Variants in PLD4 observed in about 807,000 individuals in gnomAD.
PLD4 encodes the protein phospholipase D family member 4, also known as 5'-3' exonuclease PLD4.
In PLD4, 54 loss-of-function variants were observed where a neutral mutation model predicts 52.3. The ratio of observed to expected loss-of-function variants is 1.03; its 90% confidence interval spans 0.83 to 1.30. The LOEUF (loss-of-function observed/expected upper bound fraction) is 1.30. Among genes scored for constraint, PLD4 ranks in the 50% most tolerant of loss-of-function variants. PLD4 has a pLI of 0.00. For missense variants in PLD4, 731 were observed against 671.1 expected, an observed-to-expected ratio of 1.09 and a Z score of -0.99; for synonymous variants, 264 against 286.5, an observed-to-expected ratio of 0.92 and a Z score of 0.79.
rs1309624332 is a variant in PLD4, at chr14:104,933,217, T to TA, written c.*261dup. 1.6e-4 allele frequency: 66 copies of TA among 425,190 alleles called. No individual in the cohort carries two copies. The highest frequency in any genetic ancestry group is 2.7e-4 in the South Asian group (5 of 18,308). The allele number at this position is 425,190 out of a possible 1,614,324, so 26.3% of individuals were successfully genotyped here. On this transcript the variant is annotated 3_prime_UTR_variant, in exon 11 of 11. Transcript: ENST00000392593. ...TGACTCCTGGCCCACAGGCCAGGCC[T>TA]AAAAAAAACTCGTGGCTTCCCGGTG...
rs1354267805 is a variant in PLD4, at chr14:104,925,586, C to T, written c.-1+596C>T. On this transcript the variant is annotated intron_variant, in intron 1 of 10. Coordinates refer to ENST00000392593, the MANE Select transcript of PLD4 (RefSeq NM_138790.5). ...GTGGGGAGCAGCTGTCCAAGAACAG[C>T]CCTGGCACCTCGTTGCCCAGCCACA... Among the ~76,000 whole-genome samples the T allele has an allele frequency of 1.3e-5, 2 of 152,170 alleles. 1 individual carries two copies. Among genetic ancestry groups the T allele is most frequent in the African/African-American group, 4.8e-5 (2 of 41,436 alleles).
chr14:104,932,117 C>T lies in PLD4; in HGVS notation c.1164C>T (p.Phe388=), dbSNP rs769308299. 2.5e-6 allele frequency: 4 copies of T among 1,611,250 alleles called. No homozygotes were observed. Among genetic ancestry groups the T allele is most frequent in the East Asian group, 2.2e-5 (1 of 44,862 alleles). Residue 388 remains phenylalanine (F), a synonymous_variant, in exon 9 of 11, where the codon TTC becomes TTT. Transcript: ENST00000392593. The surrounding 1 kb of genome is among the most constrained non-coding windows in gnomAD (Gnocchi z 6.5). ...GCGLNTDPTM[F]PYLRSLQALS... ...GACTCAACACGGACCCCACCATGTT[C>T]CCCTACCTGCGGTCCCTGCAGGCGC...
rs767324628 is a variant in PLD4, at chr14:104,927,117, G to A, written c.1-24G>A. On this transcript the variant is annotated intron_variant, in intron 1 of 10. Coordinates refer to ENST00000392593, the MANE Select transcript of PLD4 (RefSeq NM_138790.5). ...GTTCTGGGCAGAGCTGGAGCTGCTGGTGATGCCAGGCTGCCCTGTGCAGAT... is the reference window on the plus strand; with the variant it reads ...GTTCTGGGCAGAGCTGGAGCTGCTGATGATGCCAGGCTGCCCTGTGCAGAT... The A allele has an allele frequency of 6.5e-6, 10 of 1,527,902 alleles. No individual in the cohort carries two copies. In the African/African-American group the frequency reaches 9.6e-5, roughly 15 times the overall value. 94.6% of individuals were successfully genotyped at this position (1,527,902 alleles called of 1,614,324 possible).
At chr14:104,928,953 A>G (rs1199370467) in intron 4 of PLD4, 21 bp downstream of exon 4, 3 of 1,573,012 alleles carry the variant, frequency 1.9e-6, no homozygotes, top group Non-Finnish European at 1.7e-6. Flanking sequence ...CCCTGGCCCC[A>G]CCGCATCCTG....
In PLD4 at chr14:104,930,900, C is replaced by T. The variant is rs745725821; in HGVS notation, c.876C>T (p.Phe292=). The change falls in exon 7 of 11, where the codon TTC becomes TTT. Residue 292 remains phenylalanine (F), a synonymous_variant. Coordinates refer to ENST00000392593, the MANE Select transcript of PLD4 (RefSeq NM_138790.5). ...FSSHFNRFQP[F]HGLFDGVPTT... ...CTCACTTCAACCGTTTCCAGCCCTT[C>T]CACGGCCTCTTTGATGGGGTGCCCA... 1 of 1,613,528 alleles carries T rather than the reference C, an allele frequency of 6.2e-7. No individual in the cohort carries two copies. The highest frequency in any genetic ancestry group is 1.1e-5 in the South Asian group (1 of 91,088).
chr14:104,929,466 G>A (rs564252854), intron 5 of PLD4, 39 bp downstream of exon 5: 31 of 1,511,632 alleles, frequency 2.1e-5, no homozygotes, highest in Middle Eastern at 2.2e-4. Context: ...CTGCCCTAGC[G>A]TCGGGCATGG....
chr14:104,926,785 T>C (rs1304215945), intron 1 of PLD4, among the ~76,000 whole-genome samples: 28 of 152,196 alleles, frequency 1.8e-4, no homozygotes, highest in Admixed American at 1.8e-3. Context: ...TGGGAGACCC[T>C]GAAAGGGGAG....
chr14:104,930,716 A>C (rs762627734), intron 6 of PLD4, 26 bp from the exon 7 acceptor site: 17 of 1,612,342 alleles, frequency 1.1e-5, no homozygotes, highest in Admixed American at 1.7e-5. Flanking sequence ...TTTTTCTCCC[A>C]CAGCGCCTGA....
chr14:104,926,055 A>ACTT (rs1897444305), intron 1 of PLD4, among the ~76,000 whole-genome samples: 1 of 152,112 alleles, frequency 6.6e-6, no homozygotes, highest in African/African-American at 2.4e-5. Context: ...GACAGCCCAG[A>ACTT]CGAACCCCAG....
In PLD4 at chr14:104,930,941, C is replaced by T. The variant is rs752254476; in HGVS notation, c.917C>T (p.Ser306Leu). 1.2e-6 allele frequency: 2 copies of T among 1,612,846 alleles called. No individual in the cohort carries two copies. The highest frequency in any genetic ancestry group is 1.1e-5 in the South Asian group (1 of 91,078). Residue 306 changes from serine (S) to leucine (L), a missense_variant and splice_region_variant, in exon 7 of 11, where the codon TCA becomes TTA. Transcript: ENST00000392593. ...GGGGTGCCCACCACTGCCTACTTCTCAGTAAGACGGGTTGAGAAGGAGCCC... is the reference window on the plus strand; with the variant it reads ...GGGGTGCCCACCACTGCCTACTTCTTAGTAAGACGGGTTGAGAAGGAGCCC... ...FDGVPTTAYF[S>L]ASPPALCPQG...
chr14:104,928,757 T>G lies in PLD4; in HGVS notation c.293T>G (p.Leu98Arg). 2 of 1,588,256 alleles carry G rather than the reference T, an allele frequency of 1.3e-6. No homozygotes were observed. The highest frequency in any genetic ancestry group is 1.7e-6 in the Non-Finnish European group (2 of 1,163,568). ...TGTGGCTCTCCCCACAGGCTTGTCC[T>G]TGTGGAAAGCATCCCCCAGGACCTG... ...RQQRDSCQLV[L>R]VESIPQDLPS... The change falls in exon 4 of 11, where the codon CTT (leucine) becomes CGT (arginine). Residue 98 changes from leucine (L) to arginine (R), a missense_variant. Leu to Arg is a moderately radical substitution (Grantham distance 102). Coordinates refer to ENST00000392593, the MANE Select transcript of PLD4 (RefSeq NM_138790.5).
At chr14:104,928,639 G>A in intron 3 of PLD4, 110 bp from the exon 4 acceptor site, 1 of 1,186,254 alleles carries the variant, frequency 8.4e-7, no homozygotes, top group Non-Finnish European at 1.2e-6. Context: ...TCATCCCGGG[G>A]GCCACCTGAG....
chr14:104,925,437 G>C (rs1222464143), intron 1 of PLD4, among the ~76,000 whole-genome samples: 2 of 152,178 alleles, frequency 1.3e-5, no homozygotes, highest in Non-Finnish European at 2.9e-5. Context: ...GTCCTGGGAG[G>C]GGACTTGGAC....
chr14:104,928,970 G>A (rs781453334), intron 4 of PLD4, 38 bp downstream of exon 4: 11 of 1,561,666 alleles, frequency 7.0e-6, no homozygotes, highest in Non-Finnish European at 8.7e-6. Flanking sequence ...CCTGGTGCTG[G>A]AAACACAGCA....
Position 104,931,197 on chromosome 14 carries a change from C to A in PLD4, c.918+255C>A, listed in dbSNP as rs199712457. Among the ~76,000 whole-genome samples, 14 of 152,198 alleles carry A rather than the reference C, an allele frequency of 9.2e-5. No homozygotes were observed. In the East Asian group the frequency reaches 2.3e-3, roughly 25 times the overall value. On this transcript the variant is annotated intron_variant, in intron 7 of 10. Transcript: ENST00000392593. ...GTCAGCACCATCCCTGGGAAACAGG[C>A]CGCCTGGGAGGTGGTGGGAGGACCT...
intron 2 of PLD4, 148 bp downstream of exon 2, chr14:104,927,378 T>C: frequency 1.3e-6 from 1 of 759,268 alleles, no homozygotes; most frequent in East Asian, 2.8e-5. Flanking sequence ...CTCCCTGGGC[T>C]GCTCCAGACC....
At chr14:104,930,965 C>G in intron 7 of PLD4, 23 bp downstream of exon 7, 1 of 1,607,520 alleles carries the variant, frequency 6.2e-7, no homozygotes, top group Non-Finnish European at 8.5e-7. Flanking sequence ...GAGAAGGAGC[C>G]CATCAGAGGC....
At chr14:104,925,451 C>T (rs1458015850) in intron 1 of PLD4, among the ~76,000 whole-genome samples, 1 of 152,118 alleles carries the variant, frequency 6.6e-6, no homozygotes, top group Non-Finnish European at 1.5e-5. Context: ...CTTGGACAGG[C>T]TCCAAGTCTG....
chr14:104,930,638 G>A (rs772807281), intron 6 of PLD4, 104 bp from the exon 7 acceptor site: 120 of 1,234,676 alleles, frequency 9.7e-5, no homozygotes, highest in Non-Finnish European at 1.3e-4. Context: ...GGGACCAGTC[G>A]GGCAGGGACT....
Sources: allele counts gnomAD v4.1 joint callset (sites outside exome capture counted in the v4.1 genomes callset), GRCh38; gene constraint gnomAD v4.1.1; non-coding constraint Gnocchi (gnomAD v3.1); transcripts MANE v1.5; gene names NCBI Gene and HGNC (gene_info 2026-07-23, HGNC 2026-07-21).